The following USH2A variants were observed in gnomAD, a reference collection of about 807,000 sequenced individuals.
USH2A encodes the protein Usher syndrome 2A (autosomal recessive, mild).
Under a neutral mutation model 538.9 loss-of-function variants are expected in USH2A, and 443 were observed. That is an observed-to-expected ratio of 0.82 (90% CI 0.76 to 0.89). The LOEUF is 0.89. Among genes scored for constraint, USH2A ranks in the 40% least tolerant of loss-of-function variants. The probability of loss-of-function intolerance (pLI) is 0.00; values close to 1 mark genes in which losing one functional copy is unlikely to be tolerated. For missense variants in USH2A, 6,633 were observed against 6,324.8 expected (o/e 1.05, Z -1.65); for synonymous variants, 2,413 against 2,273.5 (o/e 1.06, Z -1.75).
At chr1:215,826,676 G>A (rs1025928849) in intron 47 of USH2A, among the ~76,000 whole-genome samples, 7 of 152,144 alleles carry the variant, frequency 4.6e-5, no homozygotes, top group Non-Finnish European at 8.8e-5. Context: ...TTCCTGTGGG[G>A]TATTTGAGAA....
At chr1:215,866,414 C>G (rs565206593) in intron 44 of USH2A, among the ~76,000 whole-genome samples, 1 of 152,090 alleles carries the variant, frequency 6.6e-6, no homozygotes, top group African/African-American at 2.4e-5. Context: ...GGTCCAGGGT[C>G]GACCCTGCAT....
chr1:216,186,908 C>T (rs1440704133), intron 20 of USH2A, among the ~76,000 whole-genome samples: 2 of 151,786 alleles, frequency 1.3e-5, no homozygotes, highest in East Asian at 1.9e-4. Flanking sequence ...CACTTCTACT[C>T]GTCTGATTTA....
chr1:215,895,238 C>T (rs1015698474), intron 40 of USH2A, among the ~76,000 whole-genome samples: 1 of 152,164 alleles, frequency 6.6e-6, no homozygotes, highest in Non-Finnish European at 1.5e-5. Context: ...TTAATCAGTA[C>T]TTTGAGTAAG....
At chr1:215,906,264 G>A (rs1194569849) in intron 38 of USH2A, among the ~76,000 whole-genome samples, 2 of 151,994 alleles carry the variant, frequency 1.3e-5, no homozygotes, top group African/African-American at 2.4e-5. Context: ...TCACCAGAGC[G>A]AACTTTTTGA....
chr1:216,121,761 A>G (rs1480216500), intron 21 of USH2A, among the ~76,000 whole-genome samples: 2 of 152,192 alleles, frequency 1.3e-5, no homozygotes, highest in African/African-American at 2.4e-5. Flanking sequence ...CCAATGAACA[A>G]TCAGTTAGAC....
chr1:216,265,683 T>C (rs2036457827), intron 11 of USH2A, among the ~76,000 whole-genome samples: 1 of 151,634 alleles, frequency 6.6e-6, no homozygotes, highest in Admixed American at 6.6e-5. Context: ...TATAATGAAA[T>C]ACTATTCAGC....
intron 36 of USH2A, among the ~76,000 whole-genome samples, chr1:215,965,957 ACACACG>A (rs1208615587): frequency 6.6e-6 from 1 of 151,130 alleles, no homozygotes; most frequent in African/African-American, 2.4e-5. Flanking sequence ...ACACACACAC[ACACACG>A]CATGCATACA....
chr1:216,022,636 A>T (rs1370494923), intron 32 of USH2A, among the ~76,000 whole-genome samples: 1 of 152,224 alleles, frequency 6.6e-6, no homozygotes, highest in African/African-American at 2.4e-5. Flanking sequence ...GCAAGGAAGA[A>T]AGACATTTTT....
In USH2A at chr1:216,267,110, T is replaced by C. The variant is rs143183684; in HGVS notation, c.1972-16012A>G. On this transcript the variant is annotated intron_variant, in intron 11 of 71. Coordinates refer to ENST00000307340, the MANE Select transcript of USH2A (RefSeq NM_206933.4). ...TCCAGAGCACTCCAACAATAAGTGT[T>C]CAAAGGTAAGAGGAGGGCACAGAAA... Among the ~76,000 whole-genome samples, 357 of 152,050 alleles carry C rather than the reference T, an allele frequency of 2.3e-3. 8 individuals are homozygous for C. Among genetic ancestry groups the C allele is most frequent in the Admixed American group, 0.021 (314 of 15,240 alleles).
intron 67 of USH2A, among the ~76,000 whole-genome samples, chr1:215,643,212 C>T (rs993976803): frequency 1.3e-5 from 2 of 151,932 alleles, no homozygotes; most frequent in Non-Finnish European, 2.9e-5. Flanking sequence ...TGGCCAGGCT[C>T]GTCTCAAACT....
intron 38 of USH2A, among the ~76,000 whole-genome samples, chr1:215,925,663 C>A (rs557708654): frequency 5.3e-5 from 8 of 152,036 alleles, no homozygotes; most frequent in Non-Finnish European, 1.2e-4. Flanking sequence ...AGGGAATATA[C>A]CATCTTAGCC....
rs1386872868 is a variant in USH2A, at chr1:216,037,002, C to T, written c.6325+9429G>A. On this transcript the variant is annotated intron_variant, in intron 32 of 71. Transcript: ENST00000307340. ...AACATAAGCTCAATCAAGGTCAAGA[C>T]ATTTTTGTAAGTGATGATACCAGCC... 2.0e-5 allele frequency among the ~76,000 whole-genome samples: 3 copies of T among 152,100 alleles called. No individual in the cohort carries two copies. In the East Asian group the frequency reaches 5.8e-4, roughly 29 times the overall value.
intron 14 of USH2A, among the ~76,000 whole-genome samples, chr1:216,231,238 A>ATATATATATATATTATATATATAG (rs2035673653): frequency 1.7e-5 from 1 of 59,914 alleles, no homozygotes; most frequent in African/African-American, 5.7e-5. Flanking sequence ...TATCCCATAT[A>ATATATATATATATTATATATATAG]TATATATATA....
chr1:216,319,931 G>A lies in USH2A; in HGVS notation c.1644+1952C>T, dbSNP rs558763481. The stretch of plus-strand genomic sequence containing the variant: ...TGAAGTAACTAACTAAAACACAAGT[G>A]TAGGGCAAGGTCCAAGAGGCAGAGA... On this transcript the variant is annotated intron_variant, in intron 9 of 71. Coordinates refer to ENST00000307340, the MANE Select transcript of USH2A (RefSeq NM_206933.4). Among the ~76,000 whole-genome samples, 9 of 152,268 alleles carry A rather than the reference G, an allele frequency of 5.9e-5. No individual in the cohort carries two copies. In the South Asian group the frequency reaches 1.9e-3, roughly 32 times the overall value.
intron 60 of USH2A, among the ~76,000 whole-genome samples, chr1:215,734,129 G>C (rs1478294609): frequency 6.6e-6 from 1 of 152,186 alleles, no homozygotes; most frequent in African/African-American, 2.4e-5. Context: ...AAATCTAGGG[G>C]GAAGCTGCCA....
At chr1:216,208,281 A>T (rs1398803208) in intron 15 of USH2A, among the ~76,000 whole-genome samples, 1 of 152,192 alleles carries the variant, frequency 6.6e-6, no homozygotes, top group African/African-American at 2.4e-5. Context: ...TAGTTTAAAC[A>T]AGATGCACAA....
At chr1:215,642,911 T>C (rs1656733985) in intron 67 of USH2A, among the ~76,000 whole-genome samples, 1 of 152,176 alleles carries the variant, frequency 6.6e-6, no homozygotes, top group African/African-American at 2.4e-5. Flanking sequence ...GGGAACTAAA[T>C]GTGTTGTTAG....
chr1:216,251,366 A>G (rs1365085642), intron 11 of USH2A, among the ~76,000 whole-genome samples: 1 of 152,024 alleles, frequency 6.6e-6, no homozygotes, highest in African/African-American at 2.4e-5. Context: ...ATATAAAGAA[A>G]TAAAAATATA....
At chr1:216,394,757 C>T (rs1275635487) in intron 3 of USH2A, among the ~76,000 whole-genome samples, 45 of 126,282 alleles carry the variant, frequency 3.6e-4, no homozygotes, top group African/African-American at 7.8e-4. Flanking sequence ...CTCGCTCTGT[C>T]GCCCAGGCTG....
Sources: allele counts gnomAD v4.1 joint callset (sites outside exome capture counted in the v4.1 genomes callset), GRCh38; gene constraint gnomAD v4.1.1; transcripts MANE v1.5; gene names NCBI Gene and HGNC (gene_info 2026-07-23, HGNC 2026-07-21).